The following DCAF8 variants were observed in gnomAD, a reference collection of about 807,000 sequenced individuals.
DCAF8 encodes DDB1 and CUL4 associated factor 8, also known as DDB1- and CUL4-associated factor 8.
In DCAF8, 20 loss-of-function variants were observed where a neutral mutation model predicts 68.0. The ratio of observed to expected loss-of-function variants is 0.29; its 90% confidence interval spans 0.21 to 0.43. The LOEUF (loss-of-function observed/expected upper bound fraction) is 0.43. Among genes scored for constraint, DCAF8 ranks in the 20% least tolerant of loss-of-function variants. The pLI is 1.00. For synonymous variants in DCAF8, 230 were observed against 276.9 expected, an observed-to-expected ratio of 0.83 and a Z score of 1.68; for missense variants, 460 against 771.0, an observed-to-expected ratio of 0.60 and a Z score of 4.78.
chr1:160,238,220 TGA>T (rs1655960615), intron 5 of DCAF8, among the ~76,000 whole-genome samples: 1 of 152,226 alleles, frequency 6.6e-6, no homozygotes, highest in Admixed American at 6.5e-5. Context: ...ATTTGTGAAC[TGA>T]GAGTTTGAGC....
At chr1:160,230,857 TC>T (rs1285996185) in intron 7 of DCAF8, among the ~76,000 whole-genome samples, 1 of 152,116 alleles carries the variant, frequency 6.6e-6, no homozygotes, top group Admixed American at 6.5e-5. Context: ...GCTCAAGTGA[TC>T]CTCCTGCCTC....
At chr1:160,219,116 C>A in intron 11 of DCAF8, 148 bp from the exon 12 acceptor site, 1 of 1,057,160 alleles carries the variant, frequency 9.5e-7, no homozygotes, top group Non-Finnish European at 1.4e-6. Context: ...GAGCCTAAGC[C>A]AAAGGGCACT....
intron 2 of DCAF8, among the ~76,000 whole-genome samples, chr1:160,259,364 C>T (rs1453250994): frequency 6.6e-6 from 1 of 152,096 alleles, no homozygotes; most frequent in Admixed American, 6.5e-5. Context: ...GAAACCCCTC[C>T]TCTACTAAAA....
chr1:160,222,937 G>A (rs561089846), intron 10 of DCAF8, among the ~76,000 whole-genome samples, 156 bp from the exon 11 acceptor site: 1 of 152,334 alleles, frequency 6.6e-6, no homozygotes, highest in East Asian at 1.9e-4. Context: ...CCCAAGAGAT[G>A]ATTTATATTC....
rs147600854 is a variant in DCAF8, at chr1:160,248,041, C to T, written c.-26-4007G>A. Among the ~76,000 whole-genome samples the T allele has an allele frequency of 4.4e-3, 673 of 152,332 alleles. 5 individuals are homozygous for T. The highest frequency in any genetic ancestry group is 0.015 in the African/African-American group (633 of 41,560). ...ATTCTGATAAATCTGAGCGGTGGTT[C>T]AGGCCTGTAATCCCAGCACTTTGGG... On this transcript the variant is annotated intron_variant, in intron 2 of 13. Transcript: ENST00000368074.
chr1:160,257,478 T>C lies in DCAF8; in HGVS notation c.-27+3807A>G, dbSNP rs10494339. ...AGCATTTTAATAGTCACTTTATGATTTTAAAAGCCTATTACTCCCCTGATA... is the reference window on the plus strand; with the variant it reads ...AGCATTTTAATAGTCACTTTATGATCTTAAAAGCCTATTACTCCCCTGATA... On this transcript the variant is annotated intron_variant, in intron 2 of 13. Coordinates refer to ENST00000368074, the MANE Select transcript of DCAF8 (RefSeq NM_015726.4). Among the ~76,000 whole-genome samples, 273 of 152,318 alleles carry C rather than the reference T, an allele frequency of 1.8e-3. 2 individuals are homozygous for C. The highest frequency in any genetic ancestry group is 6.3e-3 in the African/African-American group (260 of 41,582).
chr1:160,225,850 TTTTG>T (rs889128285), intron 7 of DCAF8, among the ~76,000 whole-genome samples, 187 bp from the exon 8 acceptor site: 4 of 152,100 alleles, frequency 2.6e-5, no homozygotes, highest in African/African-American at 9.7e-5. Flanking sequence ...ACCCTAAATC[TTTTG>T]TTTGTTTGAG....
At chr1:160,259,202 C>T (rs750582995) in intron 2 of DCAF8, among the ~76,000 whole-genome samples, 50 of 152,198 alleles carry the variant, frequency 3.3e-4, no homozygotes, top group Non-Finnish European at 4.0e-4. Flanking sequence ...TTCATCTGTG[C>T]TGTCATATTA....
rs777867137 is a variant in DCAF8 at position 160,239,847 on chromosome 1, G to A, written c.573C>T (p.Gly191=). 5.6e-6 allele frequency: 9 copies of A among 1,614,252 alleles called. No individual in the cohort carries two copies. In the South Asian group the frequency reaches 9.9e-5, roughly 18 times the overall value. The stretch of plus-strand genomic sequence containing the variant: ...GCAGGGTATTGACACAACCAGTATG[G>A]CCCTCAAGCCCATGCTGCAGGCGGA... ...QRFRLQHGLE[G]HTGCVNTLHF... is the part of the protein sequence containing the mutation. Residue 191 remains glycine (G), a synonymous_variant, in exon 4 of 14, where the codon GGC becomes GGT. Coordinates refer to ENST00000368074, the MANE Select transcript of DCAF8 (RefSeq NM_015726.4).
intron 2 of DCAF8, among the ~76,000 whole-genome samples, chr1:160,259,573 C>A (rs952732704): frequency 6.6e-6 from 1 of 151,996 alleles, no homozygotes; most frequent in African/African-American, 2.4e-5. Flanking sequence ...ATTCCTAACT[C>A]CCCAGCCCTG....
chr1:160,218,735 G>T, intron 12 of DCAF8, 114 bp downstream of exon 12: 1 of 1,472,482 alleles, frequency 6.8e-7, no homozygotes, highest in Non-Finnish European at 9.3e-7. Flanking sequence ...GGGGGAGGGT[G>T]TTAGAGCAGT....
At position 160,225,634 on chromosome 1, in the gene DCAF8, T is replaced by C. The variant is rs1237486327; in HGVS notation, c.1100A>G (p.Asn367Ser). 1.9e-6 allele frequency: 3 copies of C among 1,613,852 alleles called. No homozygotes were observed. The highest frequency in any genetic ancestry group is 3.3e-5 in the Admixed American group (2 of 60,014). ...RIYDQRKIDE[N>S]ENNGVLKKFC... ...CTTCTTGAGTACTCCATTGTTCTCA[T>C]TCTCATCAATTTTCCTCTGGTCATA... The change falls in exon 8 of 14, where the codon AAT becomes AGT. Residue 367 changes from asparagine (N) to serine (S), a missense_variant. Coordinates refer to ENST00000368074, the MANE Select transcript of DCAF8 (RefSeq NM_015726.4).
At chr1:160,253,759 G>A (rs912150899) in intron 2 of DCAF8, among the ~76,000 whole-genome samples, 2 of 151,040 alleles carry the variant, frequency 1.3e-5, no homozygotes, top group Non-Finnish European at 2.9e-5. Flanking sequence ...CCCAGAGGTC[G>A]AGATTGCAGT....
At chr1:160,231,627 T>C (rs957516033) in intron 6 of DCAF8, among the ~76,000 whole-genome samples, 2 of 152,196 alleles carry the variant, frequency 1.3e-5, no homozygotes, top group African/African-American at 4.8e-5. Context: ...GAAAAAAATA[T>C]GTAGTGAAGT....
chr1:160,236,740 T>C (rs1655912608), intron 6 of DCAF8, among the ~76,000 whole-genome samples: 2 of 152,222 alleles, frequency 1.3e-5, no homozygotes, highest in South Asian at 4.1e-4. Context: ...GTATTTTTGT[T>C]CAAATTTTAT....
At chr1:160,253,763 T>C (rs1250782138) in intron 2 of DCAF8, among the ~76,000 whole-genome samples, 1 of 151,214 alleles carries the variant, frequency 6.6e-6, no homozygotes, top group Non-Finnish European at 1.5e-5. Context: ...GAGGTCGAGA[T>C]TGCAGTGAAC....
At chr1:160,248,492 T>A (rs2101756714) in intron 2 of DCAF8, among the ~76,000 whole-genome samples, 1 of 152,144 alleles carries the variant, frequency 6.6e-6, no homozygotes, top group East Asian at 1.9e-4. Context: ...TCCCATCACT[T>A]TGGGAGGCCG....
At chr1:160,221,817 C>CAAAAAA (rs58539770) in intron 11 of DCAF8, among the ~76,000 whole-genome samples, 100 of 61,698 alleles carry the variant, frequency 1.6e-3, no homozygotes, top group Non-Finnish European at 2.5e-3. Context: ...TTCTAGGTCT[C>CAAAAAA]AAAAAAAAAA....
intron 7 of DCAF8, among the ~76,000 whole-genome samples, chr1:160,226,821 T>G (rs895308388): frequency 2.0e-5 from 3 of 152,252 alleles, no homozygotes; most frequent in African/African-American, 7.2e-5. Flanking sequence ...CCACTGAGAC[T>G]TCTCTGGCTG....
Sources: allele counts gnomAD v4.1 joint callset (sites outside exome capture counted in the v4.1 genomes callset), GRCh38; gene constraint gnomAD v4.1.1; transcripts MANE v1.5; gene names NCBI Gene and HGNC (gene_info 2026-07-23, HGNC 2026-07-21).